ZNF462: variants seen among roughly 807,000 people sequenced by gnomAD.
ZNF462 encodes the protein zinc finger protein 462.
A neutral mutation model predicts 201.9 loss-of-function variants in ZNF462; 10 were observed. The observed-to-expected ratio is 0.05, with a 90% CI of 0.03 to 0.08. The LOEUF (loss-of-function observed/expected upper bound fraction) is 0.08, where lower values mean the gene tolerates loss of function less well. ZNF462 is among the 10% of genes least tolerant of loss of function. The pLI, the probability that ZNF462 is intolerant of heterozygous loss-of-function variation, is 1.00. For synonymous variants in ZNF462, 1,227 were observed against 1,193.3 expected, an observed-to-expected ratio of 1.03 and a Z score of -0.58; for missense variants, 2,523 against 3,168.3, an observed-to-expected ratio of 0.80 and a Z score of 4.89.
rs1440479421 is a variant in ZNF462, at chr9:107,003,142, C to T, written c.7057-152C>T. 14 of 977,870 alleles carry T rather than the reference C, an allele frequency of 1.4e-5. No individual in the cohort carries two copies. Among genetic ancestry groups the T allele is most frequent in the African/African-American group, 3.3e-5 (2 of 61,050 alleles). The allele number at this position is 977,870 out of a possible 1,614,324, so 60.6% of individuals were successfully genotyped here. On this transcript the variant is annotated intron_variant, in intron 10 of 12. Transcript: ENST00000277225. This position sits in a 1 kb window ranked among gnomAD's most constrained non-coding sequence, Gnocchi z 4.4. ...TGCTCCATCTCCAAAAGAGTCAAAA[C>T]GAAGAAAAAGACCTCTTAGGCCCCG...
chr9:106,930,622 C>T lies in ZNF462; in HGVS notation c.5945C>T (p.Ala1982Val). The change falls in exon 4 of 13, where the codon GCC becomes GTC. Residue 1982 changes from alanine to valine, a missense_variant. By Grantham distance (64) the Ala-to-Val change is moderately conservative. Around this residue, in one of 15 missense-constraint regions of ZNF462, gnomAD observed 107 missense variants for 187.7 expected, o/e 0.57. Coordinates refer to ENST00000277225, the MANE Select transcript of ZNF462 (RefSeq NM_021224.6). The surrounding 1 kb of genome is among the most constrained non-coding windows in gnomAD (Gnocchi z 5.8). ...GTGGAAGTGCACCCAACGCTCCGAG[C>T]CATCTGCAATCACCTCCGAAAGCAC... ...FCVEVHPTLR[A>V]ICNHLRKHVQ... 1 of 1,614,150 alleles carries T rather than the reference C, an allele frequency of 6.2e-7. No individual in the cohort carries two copies. Among genetic ancestry groups the T allele is most frequent in the Non-Finnish European group, 8.5e-7 (1 of 1,180,026 alleles).
rs1348079400 is a variant in ZNF462 at position 106,954,011 on chromosome 9, GCCATTAATTA to G, written c.6427+14909_6427+14918del. On this transcript the variant is annotated intron_variant, in intron 7 of 12. Transcript: ENST00000277225. The surrounding 1 kb of genome is among the most constrained non-coding windows in gnomAD (Gnocchi z 4.0). ...CTTCCCATCCTCATCTCTTACCTAA[GCCATTAATTA>G]CCATGTTTATCCCACCTGCAAAGTC... Among the ~76,000 whole-genome samples the G allele has an allele frequency of 1.3e-5, 2 of 151,912 alleles. No individual in the cohort carries two copies. The highest frequency in any genetic ancestry group is 6.6e-5 in the Admixed American group (1 of 15,232).
At chr9:106,945,678 CCTT>C (rs1381044551) in intron 7 of ZNF462, among the ~76,000 whole-genome samples, 19 of 152,146 alleles carry the variant, frequency 1.2e-4, no homozygotes, top group African/African-American at 4.1e-4. Context: ...TACTAACTAA[CCTT>C]CTCTTTTTGA....
At chr9:106,969,242 T>A (rs916133011) in intron 7 of ZNF462, among the ~76,000 whole-genome samples, 37 of 151,976 alleles carry the variant, frequency 2.4e-4, no homozygotes, top group African/African-American at 2.9e-4. Context: ...AAAAAAAAAA[T>A]TTTATGACAT....
intron 10 of ZNF462, among the ~76,000 whole-genome samples, chr9:106,997,472 A>T (rs979297507): frequency 2.6e-5 from 4 of 152,176 alleles, no homozygotes; most frequent in African/African-American, 7.2e-5. Flanking sequence ...TGGTACATAA[A>T]CACACAATGG....
chr9:106,957,240 C>T (rs1390430994), intron 7 of ZNF462, among the ~76,000 whole-genome samples: 3 of 151,972 alleles, frequency 2.0e-5, no homozygotes, highest in Non-Finnish European at 2.9e-5. Flanking sequence ...TCAATATTGT[C>T]GTGGCTCAGG....
chr9:106,941,193 A>G (rs1374388909), intron 7 of ZNF462, among the ~76,000 whole-genome samples: 1 of 152,052 alleles, frequency 6.6e-6, no homozygotes, highest in Non-Finnish European at 1.5e-5. Flanking sequence ...GTTCAGTTAT[A>G]CTCTTGAGCC....
At chr9:106,898,502 A>G (rs10816449) in intron 1 of ZNF462, among the ~76,000 whole-genome samples, 25,738 of 152,052 alleles carry the variant, frequency 0.17, 2,359 homozygotes, top group South Asian at 0.27. Flanking sequence ...ATGAGGGAAG[A>G]TGCTACCAGC....
At position 106,886,263 on chromosome 9, in the gene ZNF462, C is replaced by G. The variant is rs551445135; in HGVS notation, c.-31+22908C>G. Among the ~76,000 whole-genome samples the G allele has an allele frequency of 4.6e-5, 7 of 152,112 alleles. No individual in the cohort carries two copies. The highest frequency in any genetic ancestry group is 1.7e-4 in the African/African-American group (7 of 41,430). ...CTCACTGGACCGCTCTTTAAACTTTCTCTGTCTTTTCATGACTTGGGTATG... is the reference window on the plus strand; with the variant it reads ...CTCACTGGACCGCTCTTTAAACTTTGTCTGTCTTTTCATGACTTGGGTATG... On this transcript the variant is annotated intron_variant, in intron 1 of 12. Coordinates refer to ENST00000277225, the MANE Select transcript of ZNF462 (RefSeq NM_021224.6). This position sits in a 1 kb window ranked among gnomAD's most constrained non-coding sequence, Gnocchi z 4.6.
chr9:107,007,857 A>C (rs949580186), intron 11 of ZNF462, among the ~76,000 whole-genome samples: 5 of 152,246 alleles, frequency 3.3e-5, no homozygotes, highest in African/African-American at 1.2e-4. Context: ...ATTGGAAAGG[A>C]CAGATGACTG....
At position 106,954,665 on chromosome 9, in the gene ZNF462, C is replaced by T. The variant is rs1831497445; in HGVS notation, c.6427+15558C>T. ...CCTTTGTTCATGTTATGTCCCCTTT[C>T]CTTCATCTCCACATGCCCAGGTACT... On this transcript the variant is annotated intron_variant, in intron 7 of 12. Coordinates refer to ENST00000277225, the MANE Select transcript of ZNF462 (RefSeq NM_021224.6). The surrounding 1 kb of genome is among the most constrained non-coding windows in gnomAD (Gnocchi z 4.0). Among the ~76,000 whole-genome samples, 1 of 152,056 alleles carries T rather than the reference C, an allele frequency of 6.6e-6. No individual in the cohort carries two copies. Among genetic ancestry groups the T allele is most frequent in the African/African-American group, 2.4e-5 (1 of 41,416 alleles).
At chr9:106,982,537 A>C (rs146986660) in intron 9 of ZNF462, among the ~76,000 whole-genome samples, 6 of 152,298 alleles carry the variant, frequency 3.9e-5, no homozygotes, top group African/African-American at 1.2e-4. Flanking sequence ...TAGAGGACTT[A>C]AACAGTTGCT....
At chr9:106,884,701 G>A (rs781297165) in intron 1 of ZNF462, among the ~76,000 whole-genome samples, 4 of 152,194 alleles carry the variant, frequency 2.6e-5, no homozygotes, top group African/African-American at 4.8e-5. Context: ...AAATTGCTGT[G>A]AATTCACCCA....
In ZNF462 at chr9:107,009,333, T is replaced by C; in HGVS notation, c.7190-212T>C. On this transcript the variant is annotated intron_variant, in intron 11 of 12. Coordinates refer to ENST00000277225, the MANE Select transcript of ZNF462 (RefSeq NM_021224.6). The surrounding 1 kb of genome is among the most constrained non-coding windows in gnomAD (Gnocchi z 6.1). ...ATTGGGGAGGTGAGGCGAAATGAGG[T>C]CTTGGGGCCCAAGAACCAGAAACAG... is the stretch of plus-strand genomic sequence containing the variant. The C allele has an allele frequency of 1.7e-6, 1 of 573,960 alleles. No individual in the cohort carries two copies. The highest frequency in any genetic ancestry group is 2.9e-6 in the Non-Finnish European group (1 of 343,860). The allele number at this position is 573,960 out of a possible 1,614,324, so 35.6% of individuals were successfully genotyped here. A position where few individuals can be genotyped will look rare whatever the true frequency, so the allele number is the denominator to read the frequency against.
chr9:106,919,340 C>T lies in ZNF462; in HGVS notation c.-30-4014C>T, dbSNP rs1829899098. ...TGAGTTGGAAGGATGGACGATGAAG[C>T]TGTGGTTTGTCTCCTTCCTCCTTCA... is the stretch of plus-strand genomic sequence containing the variant. On this transcript the variant is annotated intron_variant, in intron 1 of 12. Transcript: ENST00000277225. The surrounding 1 kb of genome is among the most constrained non-coding windows in gnomAD (Gnocchi z 4.5). Among the ~76,000 whole-genome samples, 1 of 152,206 alleles carries T rather than the reference C, an allele frequency of 6.6e-6. No homozygotes were observed. The highest frequency in any genetic ancestry group is 1.5e-5 in the Non-Finnish European group (1 of 68,040).
At chr9:106,866,471 T>A (rs1827336143) in intron 1 of ZNF462, among the ~76,000 whole-genome samples, 1 of 152,196 alleles carries the variant, frequency 6.6e-6, no homozygotes, top group South Asian at 2.1e-4. Context: ...AAATACATGG[T>A]TCTTTAGCTG....
In ZNF462 at chr9:106,913,301, T is replaced by G. The variant is rs1171156599; in HGVS notation, c.-30-10053T>G. ...GCTTTGTTTTTCTGTTCATGGATGC[T>G]CTCTGGAATTCCTTAGGTTCTTGAA... On this transcript the variant is annotated intron_variant, in intron 1 of 12. Transcript: ENST00000277225. This position sits in a 1 kb window ranked among gnomAD's most constrained non-coding sequence, Gnocchi z 4.1. Among the ~76,000 whole-genome samples the G allele has an allele frequency of 6.6e-6, 1 of 152,200 alleles. No homozygotes were observed. Among genetic ancestry groups the G allele is most frequent in the Non-Finnish European group, 1.5e-5 (1 of 68,030 alleles).
chr9:106,944,856 C>A (rs1049643757), intron 7 of ZNF462, among the ~76,000 whole-genome samples: 11 of 152,084 alleles, frequency 7.2e-5, no homozygotes, highest in African/African-American at 2.4e-4. Context: ...TAAAAAGGGC[C>A]AGACAGAAAA....
Position 106,902,513 on chromosome 9 carries a change from G to T in ZNF462, c.-30-20841G>T, listed in dbSNP as rs918938089. Among the ~76,000 whole-genome samples the T allele has an allele frequency of 5.9e-5, 9 of 151,990 alleles. No individual in the cohort carries two copies. Among genetic ancestry groups the T allele is most frequent in the African/African-American group, 1.9e-4 (8 of 41,474 alleles). On this transcript the variant is annotated intron_variant, in intron 1 of 12. Coordinates refer to ENST00000277225, the MANE Select transcript of ZNF462 (RefSeq NM_021224.6). The surrounding 1 kb of genome is among the most constrained non-coding windows in gnomAD (Gnocchi z 4.2). ...AAAGGACTGGTACAAATTCTTTTTT[G>T]AATGTCTCGTAGAATTCTGCTGTGA...
Sources: allele counts gnomAD v4.1 joint callset (sites outside exome capture counted in the v4.1 genomes callset), GRCh38; gene constraint gnomAD v4.1.1; regional missense constraint gnomAD v4.1.1; non-coding constraint Gnocchi (gnomAD v3.1); transcripts MANE v1.5; gene names NCBI Gene and HGNC (gene_info 2026-07-23, HGNC 2026-07-21).